The following CUL3 variants were observed in gnomAD, a reference collection of about 807,000 sequenced individuals.
CUL3 encodes the protein cullin-3.
A neutral mutation model predicts 89.1 loss-of-function variants in CUL3; 19 were observed. That is an observed-to-expected ratio of 0.21 (90% CI 0.15 to 0.31). CUL3 has a LOEUF of 0.31. Among genes scored for constraint, CUL3 ranks in the 10% least tolerant of loss-of-function variants. The pLI, the probability that CUL3 is intolerant of heterozygous loss-of-function variation, is 1.00. For synonymous variants in CUL3, 351 were observed against 308.4 expected (o/e 1.14, Z -1.45); for missense variants, 469 against 942.3 (o/e 0.50, Z 6.58).
Position 224,471,265 on chromosome 2 carries a change from T to C in CUL3, c.*2980A>G, listed in dbSNP as rs1399842567. On this transcript the variant is annotated 3_prime_UTR_variant, in exon 16 of 16. Transcript: ENST00000264414. ...AATATACCATATACTCTATAAAAAATTATTCTATGAAAGTCTTAAGTTACA... is the reference window on the plus strand; with the variant it reads ...AATATACCATATACTCTATAAAAAACTATTCTATGAAAGTCTTAAGTTACA... 9.7e-6 allele frequency: 2 copies of C among 206,158 alleles called. No individual in the cohort carries two copies. Among genetic ancestry groups the C allele is most frequent in the African/African-American group, 4.6e-5 (2 of 43,826 alleles). 12.8% of individuals were successfully genotyped at this position (206,158 alleles called of 1,614,324 possible). A position where few individuals can be genotyped will look rare whatever the true frequency, so the allele number is the denominator to read the frequency against.
chr2:224,503,179 C>T, intron 9 of CUL3, 107 bp from the exon 10 acceptor site: 1 of 788,772 alleles, frequency 1.3e-6, no homozygotes, highest in African/African-American at 1.7e-5. Context: ...TGATAATCTT[C>T]CTGTAAATTT....
intron 8 of CUL3, 123 bp downstream of exon 8, chr2:224,505,833 G>C (rs1031833277): frequency 1.3e-5 from 7 of 534,158 alleles, no homozygotes; most frequent in Non-Finnish European, 2.1e-5. Context: ...ATAGACCATG[G>C]CACCCATTTA....
intron 2 of CUL3, among the ~76,000 whole-genome samples, chr2:224,539,324 G>A (rs1486835235): frequency 6.6e-6 from 1 of 152,176 alleles, no homozygotes; most frequent in Non-Finnish European, 1.5e-5. Flanking sequence ...AGGACGCAGA[G>A]CAAAAGAGTA....
At chr2:224,562,616 C>T (rs1193411442) in intron 1 of CUL3, 1 of 133,202 alleles carries the variant, frequency 7.5e-6, no homozygotes, top group African/African-American at 2.8e-5. Flanking sequence ...CCAGCCTAGG[C>T]AACAGAGCAA....
chr2:224,497,635 C>T (rs1692217224), intron 12 of CUL3, 118 bp downstream of exon 12: 1 of 719,916 alleles, frequency 1.4e-6, no homozygotes, highest in East Asian at 2.7e-5. Context: ...ACCTTTCTAA[C>T]ATGTGAGACA....
intron 3 of CUL3, among the ~76,000 whole-genome samples, chr2:224,529,976 C>T (rs970829959): frequency 5.3e-5 from 8 of 152,160 alleles, no homozygotes; most frequent in African/African-American, 1.9e-4. Context: ...CTGTGGCTCA[C>T]ACCTGTAATT....
intron 3 of CUL3, among the ~76,000 whole-genome samples, chr2:224,525,091 C>A (rs1179186259): frequency 6.6e-6 from 1 of 150,444 alleles, no homozygotes; most frequent in African/African-American, 2.4e-5. Flanking sequence ...AAATTTAAAC[C>A]CAAATGTATC....
At chr2:224,500,953 C>A (rs1011753641) in intron 10 of CUL3, among the ~76,000 whole-genome samples, 1 of 152,110 alleles carries the variant, frequency 6.6e-6, no homozygotes, top group Non-Finnish European at 1.5e-5. Context: ...AGGTTAGACC[C>A]ACCCAGTGTT....
At chr2:224,510,667 A>G (rs1457111583) in intron 6 of CUL3, among the ~76,000 whole-genome samples, 1 of 152,226 alleles carries the variant, frequency 6.6e-6, no homozygotes, top group Non-Finnish European at 1.5e-5. Context: ...ATCAGAAACT[A>G]AGAATAGAGG....
chr2:224,575,871 T>C (rs1695286145), intron 1 of CUL3, among the ~76,000 whole-genome samples: 1 of 152,166 alleles, frequency 6.6e-6, no homozygotes, highest in South Asian at 2.1e-4. Flanking sequence ...GCCTGTCTGA[T>C]CGCCACTGTA....
At chr2:224,529,668 C>A (rs368991536) in intron 3 of CUL3, among the ~76,000 whole-genome samples, 3 of 152,010 alleles carry the variant, frequency 2.0e-5, no homozygotes, top group East Asian at 3.9e-4. Context: ...GCAGGGATTA[C>A]AAACTCTTAA....
At chr2:224,563,827 GTT>G in intron 1 of CUL3, among the ~76,000 whole-genome samples, 1 of 152,200 alleles carries the variant, frequency 6.6e-6, no homozygotes, top group East Asian at 1.9e-4. Context: ...TCCAGGCAAT[GTT>G]TATCTTACTT....
At position 224,585,307 on chromosome 2, in the gene CUL3, T is replaced by TGGCGGCGGC; in HGVS notation, c.-307_-299dup. The stretch of plus-strand genomic sequence containing the variant: ...CTCCCTTTATCGCGCTCCTCCGCGA[T>TGGCGGCGGC]GGCGGCGGCGGCGGCGACGGACAAA... On this transcript the variant is annotated 5_prime_UTR_variant, in exon 1 of 16. Transcript: ENST00000264414. 1 of 399,776 alleles carries TGGCGGCGGC rather than the reference T, an allele frequency of 2.5e-6. No homozygotes were observed. Among genetic ancestry groups the TGGCGGCGGC allele is most frequent in the Non-Finnish European group, 4.4e-6 (1 of 228,204 alleles). 24.8% of individuals were successfully genotyped at this position (399,776 alleles called of 1,614,324 possible). A position where few individuals can be genotyped will look rare whatever the true frequency, so the allele number is the denominator to read the frequency against.
At chr2:224,554,021 C>G (rs1694611537) in intron 2 of CUL3, among the ~76,000 whole-genome samples, 1 of 152,110 alleles carries the variant, frequency 6.6e-6, no homozygotes, top group Non-Finnish European at 1.5e-5. Flanking sequence ...TCCAATTGAC[C>G]ATACTGGAGC....
chr2:224,560,124 C>T (rs948889376), intron 1 of CUL3, among the ~76,000 whole-genome samples: 1 of 152,130 alleles, frequency 6.6e-6, no homozygotes, highest in African/African-American at 2.4e-5. Context: ...CCTCACTTAA[C>T]TTCCAAGCAC....
chr2:224,555,390 T>C (rs114129667), intron 2 of CUL3, among the ~76,000 whole-genome samples: 4 of 152,256 alleles, frequency 2.6e-5, no homozygotes, highest in Non-Finnish European at 5.9e-5. Flanking sequence ...TCTTTCCAGG[T>C]CTTCTCCTGA....
At chr2:224,574,557 G>A (rs1375629194) in intron 1 of CUL3, among the ~76,000 whole-genome samples, 2 of 152,126 alleles carry the variant, frequency 1.3e-5, no homozygotes, top group African/African-American at 4.8e-5. Context: ...GGTAACACAG[G>A]AGCTGCTCTC....
chr2:224,491,035 G>A (rs1691952066), intron 13 of CUL3, among the ~76,000 whole-genome samples: 1 of 152,034 alleles, frequency 6.6e-6, no homozygotes, highest in Non-Finnish European at 1.5e-5. Context: ...TTGTTATTAG[G>A]ACAAATTCCT....
At chr2:224,550,297 G>A (rs1694466668) in intron 2 of CUL3, among the ~76,000 whole-genome samples, 1 of 152,102 alleles carries the variant, frequency 6.6e-6, no homozygotes, top group African/African-American at 2.4e-5. Flanking sequence ...TTATATTTTA[G>A]TAATTTTGTC....
Sources: gnomAD v4.1 joint callset for allele counts (sites outside exome capture counted in the v4.1 genomes callset) on GRCh38, gnomAD v4.1.1 for gene constraint, MANE v1.5 for transcripts, NCBI Gene and HGNC (gene_info 2026-07-23, HGNC 2026-07-21) for gene names.